The following MOSPD2 variants were observed in gnomAD, a reference collection of about 807,000 sequenced individuals.
MOSPD2 encodes motile sperm domain containing 2, also known as motile sperm domain-containing protein 2.
MOSPD2 carries 5 observed loss-of-function variants against 41.7 expected under a neutral mutation model. That is an observed-to-expected ratio of 0.12 (90% CI 0.06 to 0.25). The LOEUF is 0.25. MOSPD2 is among the 10% of genes least tolerant of loss of function. The pLI, the probability that MOSPD2 is intolerant of heterozygous loss-of-function variation, is 1.00. For missense variants in MOSPD2, 282 were observed against 375.2 expected (o/e 0.75, Z 2.05); for synonymous variants, 115 against 126.9 (o/e 0.91, Z 0.63).
At chrX:14,905,916 T>C (rs923802003) in intron 7 of MOSPD2, among the ~76,000 whole-genome samples, 3 of 111,944 alleles carry the variant, frequency 2.7e-5, no homozygotes, top group Non-Finnish European at 5.6e-5. Context: ...TATTTATTTT[T>C]TAATATTTTC....
intron 2 of MOSPD2, among the ~76,000 whole-genome samples, chrX:14,889,901 G>A (rs954714621): frequency 2.7e-5 from 3 of 111,429 alleles, no homozygotes; most frequent in Admixed American, 1.9e-4. Context: ...CAACAATAGT[G>A]TTTTATTCTT....
At chrX:14,908,394 C>T (rs1372080568) in intron 7 of MOSPD2, among the ~76,000 whole-genome samples, 1 of 112,104 alleles carries the variant, frequency 8.9e-6, no homozygotes, top group Non-Finnish European at 1.9e-5. Flanking sequence ...ATCCAGCTCA[C>T]ACTCATAATA....
At chrX:14,892,615 A>C (rs977670124) in intron 2 of MOSPD2, 108 bp from the exon 3 acceptor site, 4 of 596,552 alleles carry the variant, frequency 6.7e-6, no homozygotes, top group African/African-American at 2.3e-5. Context: ...GTCTATCCTC[A>C]AATAGCTTAA....
chrX:14,887,584 T>G (rs2092544010), intron 2 of MOSPD2, among the ~76,000 whole-genome samples: 1 of 111,807 alleles, frequency 8.9e-6, no homozygotes, highest in Admixed American at 9.5e-5. Context: ...AAAACACAGT[T>G]TCAGACCTGT....
In MOSPD2 at chrX:14,873,771, T is replaced by G. The variant is rs1407565528; in HGVS notation, c.79+13T>G. The G allele has an allele frequency of 1.7e-6, 2 of 1,180,984 alleles. No individual in the cohort carries two copies. The highest frequency in any genetic ancestry group is 2.3e-6 in the Non-Finnish European group (2 of 868,703). ...GAGTATGTGACAGGTGGGTACTCTG[T>G]TCCAGGTATTAAGAAAGGTGTGCAG... is the stretch of plus-strand genomic sequence containing the variant. On this transcript the variant is annotated intron_variant, in intron 2 of 14. Transcript: ENST00000380492.
chrX:14,877,586 C>G (rs1239190554), intron 2 of MOSPD2, among the ~76,000 whole-genome samples: 1 of 109,579 alleles, frequency 9.1e-6, no homozygotes, highest in African/African-American at 3.3e-5. Context: ...AGGTGATCGC[C>G]TGCCTCGGCC....
chrX:14,878,010 GTA>G (rs1025196676), intron 2 of MOSPD2, among the ~76,000 whole-genome samples: 2 of 109,517 alleles, frequency 1.8e-5, no homozygotes, highest in African/African-American at 6.6e-5. Flanking sequence ...ATAATTTTGT[GTA>G]TTATAAAATA....
At chrX:14,896,143 G>C (rs1978290887) in intron 4 of MOSPD2, among the ~76,000 whole-genome samples, 1 of 110,083 alleles carries the variant, frequency 9.1e-6, no homozygotes, top group Non-Finnish European at 1.9e-5. Context: ...AGCTGATACA[G>C]TCTCCTTGGG....
At chrX:14,881,361 A>T (rs913480967) in intron 2 of MOSPD2, among the ~76,000 whole-genome samples, 7 of 111,711 alleles carry the variant, frequency 6.3e-5, no homozygotes, top group Admixed American at 1.9e-4. Context: ...CAAAAAAAGG[A>T]GAATTTCAAG....
chrX:14,879,582 T>G (rs1263909063), intron 2 of MOSPD2, among the ~76,000 whole-genome samples: 1 of 111,105 alleles, frequency 9.0e-6, no homozygotes, highest in Non-Finnish European at 1.9e-5. Flanking sequence ...ACAAAGAAAC[T>G]TTTGGGGGGT....
intron 2 of MOSPD2, among the ~76,000 whole-genome samples, chrX:14,883,939 T>C (rs2092536600): frequency 8.9e-6 from 1 of 111,783 alleles, no homozygotes; most frequent in African/African-American, 3.3e-5. Flanking sequence ...ATGCTTATTT[T>C]AGTGAAACCA....
At chrX:14,915,595 T>A (rs1345178235) in intron 11 of MOSPD2, 73 bp from the exon 12 acceptor site, 35 of 638,966 alleles carry the variant, frequency 5.5e-5, no homozygotes, top group Non-Finnish European at 7.0e-5. Flanking sequence ...TAAATTTTTT[T>A]AAAGTCATTC....
intron 2 of MOSPD2, among the ~76,000 whole-genome samples, chrX:14,882,920 G>A (rs372943700): frequency 1.8e-5 from 2 of 110,783 alleles, no homozygotes; most frequent in African/African-American, 6.6e-5. Flanking sequence ...CTAGGTGCTG[G>A]GCGCTGTGGC....
chrX:14,900,541 G>A, intron 5 of MOSPD2, 34 bp from the exon 6 acceptor site: 1 of 809,873 alleles, frequency 1.2e-6, no homozygotes, highest in Non-Finnish European at 1.8e-6. Flanking sequence ...GTTCTCTAAT[G>A]TGGACAGTCT....
chrX:14,914,554 C>T lies in MOSPD2; in HGVS notation c.1044C>T (p.Thr348=). ...FGSTESGEKK[T]LIVLTNVTKN... is the part of the protein sequence containing the mutation. ...GTACAGAATCCGGAGAGAAGAAAAC[C>T]TTAATAGTGTTGACAAATGTAACTA... is the stretch of plus-strand genomic sequence containing the variant. Residue 348 remains threonine, a synonymous_variant, in exon 11 of 15, where the codon ACC becomes ACT. Coordinates refer to ENST00000380492, the MANE Select transcript of MOSPD2 (RefSeq NM_152581.4). 1 of 1,186,425 alleles carries T rather than the reference C, an allele frequency of 8.4e-7. No individual in the cohort carries two copies. Among genetic ancestry groups the T allele is most frequent in the Non-Finnish European group, 1.1e-6 (1 of 878,414 alleles).
At chrX:14,880,978 A>G (rs774248671) in intron 2 of MOSPD2, among the ~76,000 whole-genome samples, 14 of 111,559 alleles carry the variant, frequency 1.3e-4, no homozygotes, top group Admixed American at 1.1e-3. Context: ...TCTATTCCCT[A>G]TAAGATATAT....
In MOSPD2 at chrX:14,900,430, G is replaced by C. The variant is rs547772289; in HGVS notation, c.478-145G>C. 5 of 296,603 alleles carry C rather than the reference G, an allele frequency of 1.7e-5. No homozygotes were observed. In the Admixed American group the frequency reaches 3.2e-4, roughly 19 times the overall value. 24.4% of individuals were successfully genotyped at this position (296,603 alleles called of 1,213,427 possible). A position where few individuals can be genotyped will look rare whatever the true frequency, so the allele number is the denominator to read the frequency against. ...TTAATGACCTAAAACCTTAATCCTTGAGAATATAGATATTTACATATGAGC... is the reference window on the plus strand; with the variant it reads ...TTAATGACCTAAAACCTTAATCCTTCAGAATATAGATATTTACATATGAGC... On this transcript the variant is annotated intron_variant, in intron 5 of 14. Transcript: ENST00000380492.
intron 5 of MOSPD2, among the ~76,000 whole-genome samples, chrX:14,899,351 C>G (rs778061841): frequency 9.2e-6 from 1 of 108,155 alleles, no homozygotes; most frequent in Non-Finnish European, 1.9e-5. Context: ...AATGTTATTC[C>G]AAGACTATTT....
intron 8 of MOSPD2, among the ~76,000 whole-genome samples, chrX:14,909,547 G>A (rs926314330): frequency 3.6e-5 from 4 of 110,982 alleles, no homozygotes; most frequent in Non-Finnish European, 7.6e-5. Flanking sequence ...GCTTCCAATT[G>A]TTTGCTGTTC....
Sources: gnomAD v4.1 joint callset for allele counts (sites outside exome capture counted in the v4.1 genomes callset) on GRCh38, gnomAD v4.1.1 for gene constraint, MANE v1.5 for transcripts, NCBI Gene and HGNC (gene_info 2026-07-23, HGNC 2026-07-21) for gene names.